The following CTNNA3 variants were observed in gnomAD, a reference collection of about 807,000 sequenced individuals.
CTNNA3 encodes the protein catenin alpha 3, also known as catenin alpha-3.
CTNNA3 carries 76 observed loss-of-function variants against 95.7 expected under a neutral mutation model. The observed-to-expected ratio is 0.79, with a 90% CI of 0.66 to 0.96. CTNNA3 has a LOEUF of 0.96. Ranked by LOEUF, CTNNA3 falls within the 40% of genes least tolerant of loss-of-function variation. The pLI is 0.00. For synonymous variants in CTNNA3, 431 were observed against 374.4 expected, an observed-to-expected ratio of 1.15 and a Z score of -1.74; for missense variants, 1,191 against 1,089.8, an observed-to-expected ratio of 1.09 and a Z score of -1.31.
intron 10 of CTNNA3, among the ~76,000 whole-genome samples, chr10:66,572,451 C>A (rs1278914982): frequency 6.6e-6 from 1 of 151,316 alleles, no homozygotes; most frequent in Non-Finnish European, 1.5e-5. Context: ...CATACCTAGA[C>A]AAACTATATG....
At chr10:67,185,594 C>A (rs1003838434) in intron 6 of CTNNA3, among the ~76,000 whole-genome samples, 2 of 152,200 alleles carry the variant, frequency 1.3e-5, no homozygotes, top group Admixed American at 6.5e-5. Context: ...ATAATCCCTA[C>A]AATGGGGCTG....
chr10:66,597,550 A>T (rs1485111252), intron 10 of CTNNA3, among the ~76,000 whole-genome samples: 1 of 133,146 alleles, frequency 7.5e-6, no homozygotes, highest in Non-Finnish European at 1.6e-5. Context: ...ATATATATAT[A>T]TATATTTATT....
intron 7 of CTNNA3, among the ~76,000 whole-genome samples, chr10:66,851,002 C>A (rs1589331633): frequency 1.3e-5 from 2 of 152,044 alleles, no homozygotes; most frequent in Non-Finnish European, 1.5e-5. Context: ...TTCATCATCA[C>A]CCTCTCTACC....
At chr10:67,131,073 G>T (rs1859977077) in intron 7 of CTNNA3, among the ~76,000 whole-genome samples, 1 of 151,796 alleles carries the variant, frequency 6.6e-6, no homozygotes, top group African/African-American at 2.4e-5. Flanking sequence ...AATACCTCTG[G>T]GCATTATTTT....
At chr10:67,748,255 C>T (rs1841383863) in intron 1 of CTNNA3, among the ~76,000 whole-genome samples, 1 of 152,196 alleles carries the variant, frequency 6.6e-6, no homozygotes, top group South Asian at 2.1e-4. Flanking sequence ...ATACAGAGAA[C>T]CCCAGCAAGA....
At chr10:66,342,664 G>C (rs893517238) in intron 12 of CTNNA3, among the ~76,000 whole-genome samples, 14 of 151,934 alleles carry the variant, frequency 9.2e-5, no homozygotes, top group Non-Finnish European at 2.1e-4. Flanking sequence ...AAAGAAATTA[G>C]TTTTGTGCTA....
chr10:66,298,477 TAC>T (rs2091814666), intron 12 of CTNNA3, among the ~76,000 whole-genome samples: 1 of 152,158 alleles, frequency 6.6e-6, no homozygotes, highest in South Asian at 2.1e-4. Context: ...TACATATATA[TAC>T]ACACATAAAA....
chr10:66,353,995 G>A (rs114836713), intron 12 of CTNNA3, among the ~76,000 whole-genome samples: 1 of 151,958 alleles, frequency 6.6e-6, no homozygotes. Flanking sequence ...AAAATTCCGT[G>A]AACACGGCCA....
intron 7 of CTNNA3, among the ~76,000 whole-genome samples, chr10:66,850,813 G>A (rs1564723200): frequency 6.6e-6 from 1 of 152,028 alleles, no homozygotes; most frequent in Non-Finnish European, 1.5e-5. Context: ...TTAGTTTCAG[G>A]TGACCAAGTC....
intron 10 of CTNNA3, among the ~76,000 whole-genome samples, chr10:66,570,124 C>T (rs904956795): frequency 6.6e-6 from 1 of 152,066 alleles, no homozygotes; most frequent in Admixed American, 6.6e-5. Context: ...GTTACCAAAA[C>T]AGTCCAATGG....
intron 7 of CTNNA3, among the ~76,000 whole-genome samples, chr10:66,984,577 T>A (rs2132899219): frequency 6.6e-6 from 1 of 152,288 alleles, no homozygotes; most frequent in South Asian, 2.1e-4. Context: ...ATAAACTTGA[T>A]CTTCAAAATA....
chr10:66,926,643 T>G, intron 7 of CTNNA3: 1 of 1,573,314 alleles, frequency 6.4e-7, no homozygotes, highest in Non-Finnish European at 8.7e-7. Context: ...AAAAAACCTC[T>G]AGTGTGTGTA....
chr10:66,386,271 A>G (rs2092890898), intron 11 of CTNNA3, among the ~76,000 whole-genome samples: 1 of 152,200 alleles, frequency 6.6e-6, no homozygotes. Context: ...ATCAATGTGC[A>G]AAAATCACAA....
intron 5 of CTNNA3, among the ~76,000 whole-genome samples, chr10:67,387,417 G>A (rs936138847): frequency 3.3e-5 from 5 of 152,060 alleles, no homozygotes; most frequent in Non-Finnish European, 7.4e-5. Context: ...TACGCCCCAC[G>A]GAGTCTCGCT....
intron 5 of CTNNA3, among the ~76,000 whole-genome samples, chr10:67,310,575 A>C (rs1437318744): frequency 6.6e-6 from 1 of 152,198 alleles, no homozygotes; most frequent in Non-Finnish European, 1.5e-5. Context: ...GCAATTTATA[A>C]AGGAAAGAAA....
chr10:66,845,729 A>ATAAATAAATAAATAAATAC lies in CTNNA3; in HGVS notation c.1048-70206_1048-70205insGTATTTATTTATTTATTTA, dbSNP rs1297933220. ...AAAAAAAAAAAAAAAAAAAAAAAAA[A>ATAAATAAATAAATAAATAC]CTAAAAAGGTGAGATATATATACAT... On this transcript the variant is annotated intron_variant, in intron 7 of 17. Transcript: ENST00000433211. Among the ~76,000 whole-genome samples the ATAAATAAATAAATAAATAC allele has an allele frequency of 5.4e-4, 47 of 87,766 alleles. 2 individuals carry two copies. The highest frequency in any genetic ancestry group is 1.7e-3 in the African/African-American group (47 of 27,094). The allele number at this position is 87,766 out of a possible 152,430, so 57.6% of individuals were successfully genotyped here.
chr10:67,012,138 T>G (rs1397448044), intron 7 of CTNNA3, among the ~76,000 whole-genome samples: 1 of 152,228 alleles, frequency 6.6e-6, no homozygotes, highest in African/African-American at 2.4e-5. Flanking sequence ...TTATCCACTG[T>G]GCAGTGCACT....
intron 7 of CTNNA3, among the ~76,000 whole-genome samples, chr10:67,111,487 T>C (rs1044464096): frequency 3.3e-5 from 5 of 152,120 alleles, no homozygotes. Context: ...TTTAGGACTT[T>C]CACAAATCCC....
intron 9 of CTNNA3, among the ~76,000 whole-genome samples, chr10:66,663,351 CT>C (rs58748469): frequency 1.1e-3 from 167 of 151,982 alleles, no homozygotes; most frequent in African/African-American, 3.8e-3. Context: ...TCAGAATTTA[CT>C]CTTCCCACTC....
Sources: gnomAD v4.1 joint callset for allele counts (sites outside exome capture counted in the v4.1 genomes callset) on GRCh38, gnomAD v4.1.1 for gene constraint, MANE v1.5 for transcripts, NCBI Gene and HGNC (gene_info 2026-07-23, HGNC 2026-07-21) for gene names.